Variants in EYA2 observed in about 807,000 individuals in gnomAD.
EYA2 encodes the protein EYA transcriptional coactivator and phosphatase 2, also known as protein phosphatase EYA2.
In EYA2, 31 loss-of-function variants were observed where a neutral mutation model predicts 69.2. The observed-to-expected ratio is 0.45, with a 90% CI of 0.34 to 0.60. EYA2 has a LOEUF of 0.60. EYA2 is among the 20% of genes least tolerant of loss of function. The pLI, the probability that EYA2 is intolerant of heterozygous loss-of-function variation, is 0.02. For missense variants in EYA2, 622 were observed against 701.2 expected (o/e 0.89, Z 1.28); for synonymous variants, 257 against 279.4 (o/e 0.92, Z 0.80).
At chr20:46,915,318 G>A (rs760257863) in intron 1 of EYA2, among the ~76,000 whole-genome samples, 2 of 152,182 alleles carry the variant, frequency 1.3e-5, no homozygotes, top group East Asian at 3.8e-4. Context: ...AACATTTCTC[G>A]TTGAATTCCC....
At chr20:47,023,340 A>T (rs1285256218) in intron 5 of EYA2, among the ~76,000 whole-genome samples, 1 of 151,482 alleles carries the variant, frequency 6.6e-6, no homozygotes, top group Non-Finnish European at 1.5e-5. Flanking sequence ...ATTTGCTTCT[A>T]AGGGTTTCTC....
chr20:46,987,921 T>TCTCCCTCTCTCC (rs1568706896), intron 1 of EYA2, among the ~76,000 whole-genome samples: 1 of 20,990 alleles, frequency 4.8e-5, no homozygotes, highest in Non-Finnish European at 8.1e-5. Context: ...AGTAAGTCTC[T>TCTCCCTCTCTCC]CTCTCTCTCT....
intron 11 of EYA2, among the ~76,000 whole-genome samples, chr20:47,171,625 A>G (rs1436107280): frequency 1.3e-5 from 2 of 152,184 alleles, no homozygotes; most frequent in Non-Finnish European, 2.9e-5. Context: ...GCTGGTCAGC[A>G]GGGAAGGCAG....
intron 9 of EYA2, among the ~76,000 whole-genome samples, chr20:47,116,170 C>CTTTTTTTTTTTTT: frequency 1.2e-5 from 1 of 80,038 alleles, no homozygotes; most frequent in Non-Finnish European, 2.3e-5. Flanking sequence ...CATCATCCTT[C>CTTTTTTTTTTTTT]TTTTTTTTTT....
intron 14 of EYA2, among the ~76,000 whole-genome samples, chr20:47,181,308 C>G (rs2034533135): frequency 6.6e-6 from 1 of 152,144 alleles, no homozygotes; most frequent in Admixed American, 6.6e-5. Context: ...ATCCAGAAAC[C>G]CAGGTCTCTC....
chr20:47,130,556 C>T (rs746444778), intron 9 of EYA2, among the ~76,000 whole-genome samples: 8 of 151,856 alleles, frequency 5.3e-5, no homozygotes, highest in East Asian at 1.9e-4. Context: ...TGAGCCACCG[C>T]GCCCGGCCGA....
chr20:47,082,014 G>A (rs1398509256), intron 7 of EYA2, among the ~76,000 whole-genome samples: 2 of 151,452 alleles, frequency 1.3e-5, no homozygotes, highest in Non-Finnish European at 2.9e-5. Context: ...TAATTTTTGT[G>A]TTTTTAGTAG....
chr20:47,044,422 A>G (rs2029923943), intron 5 of EYA2, among the ~76,000 whole-genome samples: 1 of 152,228 alleles, frequency 6.6e-6, no homozygotes, highest in Non-Finnish European at 1.5e-5. Context: ...CACAGTGAGA[A>G]AGACAGACAA....
chr20:46,919,314 G>A (rs914942462), intron 1 of EYA2, among the ~76,000 whole-genome samples: 1 of 152,222 alleles, frequency 6.6e-6, no homozygotes, highest in Admixed American at 6.5e-5. Context: ...CCCTAGATGG[G>A]ATCTTCTTCC....
chr20:47,115,793 T>C (rs2032874041), intron 9 of EYA2, among the ~76,000 whole-genome samples: 1 of 152,214 alleles, frequency 6.6e-6, no homozygotes, highest in Admixed American at 6.5e-5. Context: ...GCAGTGATGC[T>C]CACTGCCCTT....
chr20:47,007,735 C>T (rs1167019442), intron 4 of EYA2, among the ~76,000 whole-genome samples: 1 of 152,100 alleles, frequency 6.6e-6, no homozygotes, highest in Non-Finnish European at 1.5e-5. Flanking sequence ...CCTCCCTCAC[C>T]CTCATGAGTA....
chr20:47,133,479 A>G (rs2033390602), intron 9 of EYA2, among the ~76,000 whole-genome samples: 1 of 152,208 alleles, frequency 6.6e-6, no homozygotes, highest in Non-Finnish European at 1.5e-5. Context: ...CCACAATAGC[A>G]TGCTGCCTCC....
intron 10 of EYA2, among the ~76,000 whole-genome samples, chr20:47,157,631 C>T (rs950131169): frequency 6.6e-6 from 1 of 151,904 alleles, no homozygotes; most frequent in Non-Finnish European, 1.5e-5. Context: ...GAATGCCAGG[C>T]ACACTGTTTT....
intron 5 of EYA2, among the ~76,000 whole-genome samples, chr20:47,028,445 C>T (rs552579552): frequency 5.9e-5 from 9 of 152,298 alleles, no homozygotes; most frequent in East Asian, 5.8e-4. Flanking sequence ...CACTATCAGA[C>T]GGATTTTCAA....
At chr20:47,124,682 CT>C (rs1478971997) in intron 9 of EYA2, among the ~76,000 whole-genome samples, 1 of 152,180 alleles carries the variant, frequency 6.6e-6, no homozygotes, top group Non-Finnish European at 1.5e-5. Context: ...GACTTTCCCA[CT>C]TGTAGCACTG....
chr20:47,124,892 TAA>T (rs2033139743), intron 9 of EYA2, among the ~76,000 whole-genome samples: 1 of 151,756 alleles, frequency 6.6e-6, no homozygotes, highest in Admixed American at 6.6e-5. Context: ...AAAAAAATTC[TAA>T]GAGGCTGAAT....
chr20:46,960,806 C>T (rs1979429104), intron 1 of EYA2, among the ~76,000 whole-genome samples: 1 of 152,186 alleles, frequency 6.6e-6, no homozygotes, highest in Non-Finnish European at 1.5e-5. Context: ...ATCTTTTCAA[C>T]CCCTGCCCTA....
At chr20:47,127,108 TA>T (rs5841676) in intron 9 of EYA2, among the ~76,000 whole-genome samples, 78,902 of 148,964 alleles carry the variant, frequency 0.53, 20,833 homozygotes, top group Middle Eastern at 0.58. Context: ...GAATCTCTTA[TA>T]AAAAAAAAAA....
intron 1 of EYA2, among the ~76,000 whole-genome samples, chr20:46,961,784 C>A (rs1315800007): frequency 2.0e-5 from 3 of 152,156 alleles, no homozygotes; most frequent in African/African-American, 7.2e-5. Context: ...AAGATAAATA[C>A]CACATGTTCT....
Sources: gnomAD v4.1 joint callset for allele counts (sites outside exome capture counted in the v4.1 genomes callset) on GRCh38, gnomAD v4.1.1 for gene constraint, MANE v1.5 for transcripts, NCBI Gene and HGNC (gene_info 2026-07-23, HGNC 2026-07-21) for gene names.